The following INCA1 variants were observed in gnomAD, a reference collection of about 807,000 sequenced individuals.
INCA1 encodes the protein inhibitor of CDK, cyclin A1 interacting protein 1, also known as protein INCA1.
A neutral mutation model predicts 25.7 loss-of-function variants in INCA1; 28 were observed. The ratio of observed to expected loss-of-function variants is 1.09; its 90% CI spans 0.81 to 1.49. The LOEUF (loss-of-function observed/expected upper bound fraction) is 1.49. Among genes scored for constraint, INCA1 ranks in the 40% most tolerant of loss-of-function variants. INCA1 has a pLI of 0.00. For missense variants in INCA1, 309 were observed against 290.9 expected (o/e 1.06, Z -0.45); for synonymous variants, 111 against 103.6 (o/e 1.07, Z -0.43).
chr17:4,990,738 C>G (rs1973815090), intron 2 of INCA1, among the ~76,000 whole-genome samples: 1 of 151,336 alleles, frequency 6.6e-6, no homozygotes, highest in Non-Finnish European at 1.5e-5. Flanking sequence ...AAAAAATTAG[C>G]CAGGCGTGGT....
rs1226331811 is a variant in INCA1 at position 4,988,896 on chromosome 17, C to T, written c.444G>A (p.Val148=). 7 of 1,614,096 alleles carry T rather than the reference C, an allele frequency of 4.3e-6. No homozygotes were observed. The East Asian group carries it at 1.3e-4, about 31-fold the overall frequency. The change falls in exon 6 of 7, where the codon GTG becomes GTA. Residue 148 remains valine, a synonymous_variant. Transcript: ENST00000576820. ...ATCCACAGCCCTCTTCGCCAAGCAC[C>T]ACTGGCTCAGATGCAGCCCCAGAGC...
At chr17:4,989,712 T>A in intron 4 of INCA1, 88 bp from the exon 5 acceptor site, 1 of 1,565,580 alleles carries the variant, frequency 6.4e-7, no homozygotes. Context: ...GAGTCTGGGG[T>A]CTTGGGAAGA....
chr17:4,992,211 A>T (rs1973917832), intron 2 of INCA1, among the ~76,000 whole-genome samples: 1 of 151,358 alleles, frequency 6.6e-6, no homozygotes, highest in Admixed American at 6.5e-5. Flanking sequence ...TAATAAAAAA[A>T]GTTGAAGGAA....
At chr17:4,993,767 CTTTTTTTT>C (rs934109564) in intron 2 of INCA1, among the ~76,000 whole-genome samples, 2 of 97,322 alleles carry the variant, frequency 2.1e-5, no homozygotes, top group African/African-American at 4.4e-5. Flanking sequence ...CGTGCCTGGC[CTTTTTTTT>C]TTTTTTTTTT....
intron 2 of INCA1, among the ~76,000 whole-genome samples, chr17:4,993,863 C>G (rs1460388332): frequency 2.0e-5 from 3 of 150,166 alleles, no homozygotes; most frequent in African/African-American, 7.4e-5. Context: ...CCCCTGCCTC[C>G]TGGGTTCAAG....
chr17:4,989,900 G>A, exon 4 of INCA1: 1 of 1,614,208 alleles, frequency 6.2e-7, no homozygotes. Flanking sequence ...CAGCATGGGT[G>A]GAATGTGCTG....
upstream of INCA1, chr17:4,997,437 A>AGGCGGGGACAGAGCGCCC (rs1310877330): frequency 6.6e-6 from 1 of 152,242 alleles, no homozygotes; most frequent in African/African-American, 2.4e-5. Flanking sequence ...CTTGAGGGCC[A>AGGCGGGGACAGAGCGCCC]GGCGGGGACA....
chr17:4,991,441 CATTT>C (rs780275861), intron 2 of INCA1, among the ~76,000 whole-genome samples: 1 of 152,200 alleles, frequency 6.6e-6, no homozygotes, highest in Non-Finnish European at 1.5e-5. Context: ...CTGTTTACTT[CATTT>C]GTCTCCCCAT....
At chr17:4,993,114 AG>A (rs1162620334) in intron 2 of INCA1, among the ~76,000 whole-genome samples, 1 of 151,548 alleles carries the variant, frequency 6.6e-6, no homozygotes. Flanking sequence ...CCCTGACCTA[AG>A]GTAATCCGCC....
chr17:4,994,621 C>T (rs1309172241), intron 1 of INCA1, 146 bp from the exon 2 acceptor site: 1 of 588,814 alleles, frequency 1.7e-6, no homozygotes, highest in Non-Finnish European at 3.0e-6. Flanking sequence ...GAAACCCCAT[C>T]TCTGCTAAAA....
chr17:4,990,250 G>T, exon 3 of INCA1: 1 of 1,613,672 alleles, frequency 6.2e-7, no homozygotes, highest in South Asian at 1.1e-5. Context: ...GAGATCGGCT[G>T]ACCACCCTGG....
At chr17:4,996,794 G>A (rs924685646) in intron 1 of INCA1, 1 of 152,924 alleles carries the variant, frequency 6.5e-6, no homozygotes, top group African/African-American at 2.4e-5. Context: ...AGGGAACTAG[G>A]GATGGGCTGG....
In INCA1 at chr17:4,993,613, C is replaced by T. The variant is rs186339447; in HGVS notation, c.44+781G>A. 2.0e-3 allele frequency among the ~76,000 whole-genome samples: 306 copies of T among 151,826 alleles called. 3 individuals carry two copies. The highest frequency in any genetic ancestry group is 1.9e-3 in the East Asian group (10 of 5,150). On this transcript the variant is annotated intron_variant, in intron 2 of 6. Transcript: ENST00000576820. The stretch of plus-strand genomic sequence containing the variant: ...CCTCCCGAGTAGCTGGGACTACAGG[C>T]GCCCGCCACCACACCCGGCTAATTT...
In INCA1 at chr17:4,994,299, C is replaced by T. The variant is rs1974076045; in HGVS notation, c.44+95G>A. ...CCCTGAGACCAGGCATTGCATTTCC[C>T]GTTCTTTATTTCCTAATCCTCTTAG... is the stretch of plus-strand genomic sequence containing the variant. On this transcript the variant is annotated intron_variant, in intron 2 of 6. Transcript: ENST00000576820. 50 of 1,146,706 alleles carry T rather than the reference C, an allele frequency of 4.4e-5. 1 individual carries two copies. Among genetic ancestry groups the T allele is most frequent in the South Asian group, 2.8e-4 (22 of 79,866 alleles). The allele number at this position is 1,146,706 out of a possible 1,614,324, so 71.0% of individuals were successfully genotyped here. A position where few individuals can be genotyped will look rare whatever the true frequency, so the allele number is the denominator to read the frequency against.
At chr17:4,994,528 A>C in intron 1 of INCA1, 53 bp from the exon 2 acceptor site, 1 of 1,421,554 alleles carries the variant, frequency 7.0e-7, no homozygotes, top group Non-Finnish European at 9.9e-7. Flanking sequence ...GTGGTGGCTC[A>C]CGCCTGTAAT....
chr17:4,988,648 G>A, intron 6 of INCA1, 94 bp from the exon 7 acceptor site: 2 of 1,566,174 alleles, frequency 1.3e-6, no homozygotes, highest in Non-Finnish European at 1.7e-6. Flanking sequence ...CGAAGTCTCT[G>A]GTTCTCACCT....
exon 7 of INCA1, chr17:4,988,346 A>ACG: frequency 6.6e-7 from 1 of 1,521,510 alleles, no homozygotes; most frequent in Non-Finnish European, 8.8e-7. Flanking sequence ...GACTCTAGTG[A>ACG]CGGAACTAGT....
exon 5 of INCA1, chr17:4,989,446 C>G (rs139552288): frequency 6.2e-7 from 1 of 1,613,698 alleles, no homozygotes; most frequent in Admixed American, 1.7e-5. Context: ...GATGCTCTGA[C>G]GCCTTCTTAG....
At chr17:4,996,474 G>C (rs1464701117) in intron 1 of INCA1, among the ~76,000 whole-genome samples, 1 of 151,520 alleles carries the variant, frequency 6.6e-6, no homozygotes, top group Non-Finnish European at 1.5e-5. Flanking sequence ...TTGAGGTCAG[G>C]AGTTCGAGAC....
Sources: gnomAD v4.1 joint callset for allele counts (sites outside exome capture counted in the v4.1 genomes callset) on GRCh38, gnomAD v4.1.1 for gene constraint, MANE v1.5 for transcripts, NCBI Gene and HGNC (gene_info 2026-07-23, HGNC 2026-07-21) for gene names.